The following ASTN2 variants were observed in gnomAD, a reference collection of about 807,000 sequenced individuals.
ASTN2 encodes astrotactin-2.
A neutral mutation model predicts 139.8 loss-of-function variants in ASTN2; 54 were observed. That is an observed-to-expected ratio of 0.39 (90% CI 0.31 to 0.48). The LOEUF (loss-of-function observed/expected upper bound fraction) is 0.48. Among genes scored for constraint, ASTN2 ranks in the 20% least tolerant of loss-of-function variants. The pLI is 0.95. For synonymous variants in ASTN2, 756 were observed against 719.5 expected, an observed-to-expected ratio of 1.05 and a Z score of -0.81; for missense variants, 1,565 against 1,725.1, an observed-to-expected ratio of 0.91 and a Z score of 1.64.
chr9:116,728,538 G>C (rs1461475385), intron 15 of ASTN2, among the ~76,000 whole-genome samples: 3 of 152,170 alleles, frequency 2.0e-5, no homozygotes, highest in Admixed American at 2.0e-4. Flanking sequence ...AGGGATGGGG[G>C]TGTGGGGGTT....
chr9:116,656,682 C>CAAAAAAAA (rs33989865), intron 16 of ASTN2, among the ~76,000 whole-genome samples: 1 of 109,918 alleles, frequency 9.1e-6, no homozygotes, highest in Non-Finnish European at 1.8e-5. Context: ...TTGTTGCCAC[C>CAAAAAAAA]AAAAAAAAAA....
At chr9:116,456,955 T>A (rs1169055945) in intron 20 of ASTN2, among the ~76,000 whole-genome samples, 7 of 152,152 alleles carry the variant, frequency 4.6e-5, no homozygotes. Flanking sequence ...CAAATTATAC[T>A]ACAGAGCTAT....
At chr9:116,522,091 C>T (rs190910680) in intron 19 of ASTN2, among the ~76,000 whole-genome samples, 3 of 151,986 alleles carry the variant, frequency 2.0e-5, no homozygotes, top group South Asian at 2.1e-4. Context: ...CAACCACTAT[C>T]GAAAACAATT....
chr9:116,877,480 A>C (rs1001654391), intron 10 of ASTN2, among the ~76,000 whole-genome samples: 1 of 152,182 alleles, frequency 6.6e-6, no homozygotes, highest in Non-Finnish European at 1.5e-5. Context: ...CTATACATCT[A>C]TGCCTATGCC....
chr9:116,894,502 G>T (rs758563084), intron 10 of ASTN2, among the ~76,000 whole-genome samples: 3 of 152,068 alleles, frequency 2.0e-5, no homozygotes, highest in Non-Finnish European at 4.4e-5. Flanking sequence ...TGTTTATTTA[G>T]TTATTGAGAC....
chr9:116,448,699 G>A (rs1848081680), intron 20 of ASTN2, among the ~76,000 whole-genome samples: 1 of 152,110 alleles, frequency 6.6e-6, no homozygotes, highest in East Asian at 1.9e-4. Context: ...TGTAAAATGG[G>A]GACAAGAGTT....
In ASTN2 at chr9:116,629,680, C is replaced by T. The variant is rs1427901993; in HGVS notation, c.3073-9237G>A. On this transcript the variant is annotated intron_variant, in intron 17 of 22. Transcript: ENST00000313400. ...TCTATTGCTCTATAAATCACAGAAA[C>T]GACACCTAATTTCCCCTGTCAGGAT... Among the ~76,000 whole-genome samples, 4 of 152,214 alleles carry T rather than the reference C, an allele frequency of 2.6e-5. No individual in the cohort carries two copies. The East Asian group carries it at 5.8e-4, about 22-fold the overall frequency.
chr9:116,461,767 G>T (rs1422984150), intron 20 of ASTN2, among the ~76,000 whole-genome samples: 2 of 152,102 alleles, frequency 1.3e-5, no homozygotes, highest in Non-Finnish European at 2.9e-5. Flanking sequence ...CCTGTAGTAG[G>T]TATGTCCAGT....
At chr9:116,870,780 T>C (rs1281749618) in intron 10 of ASTN2, among the ~76,000 whole-genome samples, 1 of 152,116 alleles carries the variant, frequency 6.6e-6, no homozygotes, top group Non-Finnish European at 1.5e-5. Context: ...GATGCTGACA[T>C]GGCCTGCTGT....
chr9:116,863,687 G>A lies in ASTN2; in HGVS notation c.1936C>T (p.Leu646=). 2 of 1,614,184 alleles carry A rather than the reference G, an allele frequency of 1.2e-6. No homozygotes were observed. The highest frequency in any genetic ancestry group is 2.2e-5 in the South Asian group (2 of 91,074). ...TCACGAACTGGCCCGAAGGAAGACA[G>A]CAGGTCATTGATGGTTTCAAAGTAT... The part of the protein sequence containing the change: ...STYFETINDL[L]SSFGPVRDCS... The change falls in exon 11 of 23, where the codon CTG becomes TTG. Residue 646 remains leucine (L), a synonymous_variant. Coordinates refer to ENST00000313400, the MANE Select transcript of ASTN2 (RefSeq NM_001365068.1).
At chr9:116,848,224 GCTT>G (rs1832498720) in intron 11 of ASTN2, among the ~76,000 whole-genome samples, 1 of 152,190 alleles carries the variant, frequency 6.6e-6, no homozygotes, top group Non-Finnish European at 1.5e-5. Flanking sequence ...AAGATGACTT[GCTT>G]CAGGTCCTCA....
chr9:116,840,167 A>G (rs1476184028), intron 11 of ASTN2, among the ~76,000 whole-genome samples: 2 of 148,126 alleles, frequency 1.4e-5, no homozygotes, highest in Non-Finnish European at 3.0e-5. Flanking sequence ...GATACAGCAC[A>G]TGTTTCAGAG....
At chr9:117,107,545 T>C (rs1392532130) in intron 4 of ASTN2, among the ~76,000 whole-genome samples, 3 of 152,212 alleles carry the variant, frequency 2.0e-5, no homozygotes, top group Non-Finnish European at 1.5e-5. Flanking sequence ...CATTCTGCCG[T>C]ATCCTTTTTA....
At chr9:116,832,451 A>G (rs1297701993) in intron 11 of ASTN2, among the ~76,000 whole-genome samples, 2 of 152,094 alleles carry the variant, frequency 1.3e-5, no homozygotes, top group African/African-American at 2.4e-5. Flanking sequence ...CTTTTGGAGA[A>G]AGTATTCAGT....
chr9:117,361,926 T>A (rs916032550), intron 1 of ASTN2, among the ~76,000 whole-genome samples: 6 of 152,244 alleles, frequency 3.9e-5, no homozygotes, highest in African/African-American at 1.4e-4. Context: ...AGATTTAGGA[T>A]CACCCTGCAT....
At chr9:116,483,200 G>GTCA (rs1554769303) in intron 20 of ASTN2, among the ~76,000 whole-genome samples, 1 of 152,198 alleles carries the variant, frequency 6.6e-6, no homozygotes, top group Non-Finnish European at 1.5e-5. Context: ...AGACCTTCCT[G>GTCA]GGACCCACTC....
chr9:117,325,669 A>G (rs543085612), intron 1 of ASTN2, among the ~76,000 whole-genome samples: 2 of 152,252 alleles, frequency 1.3e-5, no homozygotes, highest in East Asian at 3.9e-4. Context: ...ACAGGAAGGG[A>G]AAAATGTTCT....
At chr9:117,273,652 T>C (rs549416520) in intron 2 of ASTN2, among the ~76,000 whole-genome samples, 1 of 152,284 alleles carries the variant, frequency 6.6e-6, no homozygotes, top group Admixed American at 6.5e-5. Flanking sequence ...CAGGTGTCCA[T>C]TTTCATTGCC....
At chr9:116,633,508 G>C (rs963271061) in intron 17 of ASTN2, among the ~76,000 whole-genome samples, 8 of 152,214 alleles carry the variant, frequency 5.3e-5, no homozygotes, top group African/African-American at 1.4e-4. Context: ...TTGATAGATA[G>C]AAACTCGTCT....
Sources: gnomAD v4.1 joint callset for allele counts (sites outside exome capture counted in the v4.1 genomes callset) on GRCh38, gnomAD v4.1.1 for gene constraint, MANE v1.5 for transcripts, NCBI Gene and HGNC (gene_info 2026-07-23, HGNC 2026-07-21) for gene names.